Variants in COL4A2 observed in about 807,000 individuals in gnomAD.
COL4A2 encodes the protein collagen type IV alpha 2 chain.
COL4A2 carries 99 observed loss-of-function variants against 200.2 expected under a neutral mutation model. The observed-to-expected ratio is 0.49, with a 90% confidence interval of 0.42 to 0.58. The LOEUF (loss-of-function observed/expected upper bound fraction) is 0.58, where lower values mean the gene tolerates loss of function less well. COL4A2 is among the 20% of genes least tolerant of loss of function. The probability of loss-of-function intolerance (pLI) is 0.00; values close to 1 mark genes in which losing one functional copy is unlikely to be tolerated. For synonymous variants in COL4A2, 897 were observed against 900.6 expected, an observed-to-expected ratio of 1.00 and a Z score of 0.07; for missense variants, 1,950 against 2,314.1, an observed-to-expected ratio of 0.84 and a Z score of 3.23.
At chr13:110,494,867 G>A (rs59977960) in intron 39 of COL4A2, among the ~76,000 whole-genome samples, 43,888 of 152,194 alleles carry the variant, frequency 0.29, 6,413 homozygotes, top group Admixed American at 0.33. Context: ...GCACTCCTGC[G>A]TCATTAACAC....
chr13:110,437,993 TC>T lies in COL4A2; in HGVS notation c.826-8del, dbSNP rs764361779. ...AATAAGCGTTTCTTATTTTTCATAT[TC>T]TTCACAGGGTGAAAAAGGCAGTGAG... On this transcript the variant is annotated splice_polypyrimidine_tract_variant and splice_region_variant and intron_variant, in intron 13 of 47. Transcript: ENST00000360467. 6.2e-7 allele frequency: 1 copy of T among 1,611,248 alleles called. No homozygotes were observed. The highest frequency in any genetic ancestry group is 1.1e-5 in the South Asian group (1 of 90,984).
At chr13:110,481,262 GT>G (rs1272502055) in intron 31 of COL4A2, among the ~76,000 whole-genome samples, 3 of 31,164 alleles carry the variant, frequency 9.6e-5, no homozygotes, top group East Asian at 1.7e-3. Flanking sequence ...CTGTCCTTCC[GT>G]TGCTGGAGAC....
At chr13:110,352,105 G>A (rs1182419436) in intron 3 of COL4A2, among the ~76,000 whole-genome samples, 1 of 152,214 alleles carries the variant, frequency 6.6e-6, no homozygotes, top group Non-Finnish European at 1.5e-5. Flanking sequence ...TCATGATGAT[G>A]ATGATGATGA....
At chr13:110,502,842 C>T (rs186410563) in intron 41 of COL4A2, 39 of 374,070 alleles carry the variant, frequency 1.0e-4, no homozygotes, top group Non-Finnish European at 1.6e-4. Flanking sequence ...GCGTGTATAA[C>T]GGGGACAGAT....
At chr13:110,383,160 A>G (rs1458545864) in intron 4 of COL4A2, among the ~76,000 whole-genome samples, 57 of 152,208 alleles carry the variant, frequency 3.7e-4, no homozygotes, top group Admixed American at 3.6e-3. Flanking sequence ...GGATAGTGCC[A>G]TGTTCTGCGT....
intron 4 of COL4A2, among the ~76,000 whole-genome samples, chr13:110,393,594 A>G (rs1879072490): frequency 6.6e-6 from 1 of 152,090 alleles, no homozygotes; most frequent in South Asian, 2.1e-4. Context: ...GAAAAAAAAA[A>G]AAGGCCAGGC....
chr13:110,499,935 G>A (rs560014301), intron 40 of COL4A2, among the ~76,000 whole-genome samples: 1 of 152,232 alleles, frequency 6.6e-6, no homozygotes, highest in African/African-American at 2.4e-5. Context: ...ATAGCTAGAA[G>A]CAGTTCAATT....
intron 4 of COL4A2, among the ~76,000 whole-genome samples, chr13:110,400,026 A>G (rs1004313102): frequency 6.6e-6 from 1 of 152,036 alleles, no homozygotes; most frequent in African/African-American, 2.4e-5. Flanking sequence ...TGTAGTAATC[A>G]GACAAATTCT....
intron 4 of COL4A2, among the ~76,000 whole-genome samples, chr13:110,387,654 G>A (rs1381807787): frequency 6.6e-6 from 1 of 152,266 alleles, no homozygotes; most frequent in East Asian, 1.9e-4. Flanking sequence ...GGTGGCTTCC[G>A]GGATCTGGAG....
At chr13:110,505,900 G>C (rs912713704) in intron 45 of COL4A2, among the ~76,000 whole-genome samples, 2 of 152,178 alleles carry the variant, frequency 1.3e-5, no homozygotes, top group African/African-American at 4.8e-5. Flanking sequence ...CCTACCTATG[G>C]CTGACTGAGT....
At chr13:110,449,064 C>T (rs1321433921) in intron 18 of COL4A2, among the ~76,000 whole-genome samples, 1 of 152,212 alleles carries the variant, frequency 6.6e-6, no homozygotes, top group Non-Finnish European at 1.5e-5. Context: ...AAAGCCCTCT[C>T]CTTATTTTAA....
intron 4 of COL4A2, among the ~76,000 whole-genome samples, chr13:110,423,486 T>C (rs932611926): frequency 2.0e-5 from 3 of 152,174 alleles, no homozygotes; most frequent in African/African-American, 7.2e-5. Context: ...AAATACGTGC[T>C]GGGCTTAACA....
chr13:110,347,634 C>T (rs1171262190), intron 3 of COL4A2, among the ~76,000 whole-genome samples: 1 of 152,244 alleles, frequency 6.6e-6, no homozygotes, highest in Non-Finnish European at 1.5e-5. Flanking sequence ...TGGCCCTGGC[C>T]TTTGGCCCAC....
intron 45 of COL4A2, among the ~76,000 whole-genome samples, chr13:110,505,304 C>T (rs532427223): frequency 1.1e-4 from 16 of 152,048 alleles, no homozygotes; most frequent in Non-Finnish European, 1.9e-4. Flanking sequence ...GAGCCAAGAT[C>T]GCGCCACTGC....
intron 4 of COL4A2, among the ~76,000 whole-genome samples, chr13:110,370,806 A>G (rs1170553898): frequency 6.6e-6 from 1 of 152,234 alleles, no homozygotes; most frequent in Non-Finnish European, 1.5e-5. Context: ...ACAGTCCATG[A>G]AGATGGCTAT....
chr13:110,441,691 T>C (rs1299138739), intron 16 of COL4A2, among the ~76,000 whole-genome samples: 1 of 152,180 alleles, frequency 6.6e-6, no homozygotes, highest in Non-Finnish European at 1.5e-5. Context: ...GTAACCCGTT[T>C]CCACCTACCC....
At chr13:110,438,724 G>C in intron 15 of COL4A2, 56 bp downstream of exon 15, 1 of 1,611,106 alleles carries the variant, frequency 6.2e-7, no homozygotes, top group Non-Finnish European at 8.5e-7. Flanking sequence ...TTTTTCAGTA[G>C]GCTTTCCTTT....
At chr13:110,511,597 G>A (rs1305866107) in intron 47 of COL4A2, among the ~76,000 whole-genome samples, 4 of 152,324 alleles carry the variant, frequency 2.6e-5, no homozygotes, top group Middle Eastern at 6.8e-3. Context: ...CAGATGTTTT[G>A]TTTTGTTACT....
chr13:110,395,011 C>T (rs147851135), intron 4 of COL4A2, among the ~76,000 whole-genome samples: 11 of 152,296 alleles, frequency 7.2e-5, no homozygotes, highest in African/African-American at 2.2e-4. Flanking sequence ...AGCACGTCTC[C>T]GGGGACCCAG....
Sources: allele counts gnomAD v4.1 joint callset (sites outside exome capture counted in the v4.1 genomes callset), GRCh38; gene constraint gnomAD v4.1.1; transcripts MANE v1.5; gene names NCBI Gene and HGNC (gene_info 2026-07-23, HGNC 2026-07-21).